GDA: variants seen among roughly 807,000 people sequenced by gnomAD.
GDA encodes the protein guanine deaminase, also known as cytoplasmic PSD-95 interactor.
A neutral mutation model predicts 59.6 loss-of-function variants in GDA; 18 were observed. The ratio of observed to expected loss-of-function variants is 0.30; its 90% confidence interval spans 0.21 to 0.45. The LOEUF is 0.45. GDA is among the 20% of genes least tolerant of loss of function. GDA has a pLI of 1.00. For missense variants in GDA, 427 were observed against 552.3 expected (o/e 0.77, Z 2.27); for synonymous variants, 201 against 201.1 (o/e 1.00, Z 0.00).
At chr9:72,200,773 A>G (rs1833891397) in intron 2 of GDA, among the ~76,000 whole-genome samples, 1 of 152,198 alleles carries the variant, frequency 6.6e-6, no homozygotes, top group Non-Finnish European at 1.5e-5. Flanking sequence ...CCCACATTAT[A>G]GGCCCACTTA....
chr9:72,195,453 T>C (rs369039742), intron 1 of GDA, 47 bp from the exon 2 acceptor site: 15 of 744,626 alleles, frequency 2.0e-5, no homozygotes, highest in Non-Finnish European at 3.1e-5. Context: ...CAAATGACTG[T>C]GACTCACTAA....
intron 2 of GDA, among the ~76,000 whole-genome samples, chr9:72,200,815 TCA>T (rs1280938213): frequency 6.6e-6 from 1 of 152,208 alleles, no homozygotes; most frequent in Admixed American, 6.5e-5. Context: ...TAAAAATTTG[TCA>T]CAGTTCTTTA....
At chr9:72,222,585 A>G (rs1021583540) in intron 6 of GDA, among the ~76,000 whole-genome samples, 1 of 151,950 alleles carries the variant, frequency 6.6e-6, no homozygotes, top group Non-Finnish European at 1.5e-5. Context: ...CCATTTATCA[A>G]TTTTTACTTT....
Position 72,227,975 on chromosome 9 carries a change from A to G in GDA, c.855A>G (p.Ala285=). Reference sequence around the variant, plus strand: ...TGGCACACGGCTGCTACCTCTCTGCAGAAGAACTGAACGTATTCCATGAAC... The same window carrying G: ...TGGCACACGGCTGCTACCTCTCTGCGGAAGAACTGAACGTATTCCATGAAC... ...TVMAHGCYLS[A]EELNVFHERG... is the part of the protein sequence containing the mutation. The change falls in exon 9 of 14, where the codon GCA becomes GCG. Residue 285 remains alanine, a synonymous_variant. Coordinates refer to ENST00000358399, the MANE Select transcript of GDA (RefSeq NM_004293.5). 4 of 1,609,494 alleles carry G rather than the reference A, an allele frequency of 2.5e-6. No homozygotes were observed. Among genetic ancestry groups the G allele is most frequent in the Non-Finnish European group, 3.4e-6 (4 of 1,176,144 alleles).
rs1024861997 is a variant in GDA at position 72,249,413 on chromosome 9, T to C, written c.*1071T>C. On this transcript the variant is annotated 3_prime_UTR_variant, in exon 14 of 14. Transcript: ENST00000358399. ...TATTGTTAAAAATCTTTAAACCCTG[T>C]GTATTGAAAGCACTCTATTTTCTAA... 5 of 943,826 alleles carry C rather than the reference T, an allele frequency of 5.3e-6. No individual in the cohort carries two copies. Among genetic ancestry groups the C allele is most frequent in the Non-Finnish European group, 6.3e-6 (5 of 792,164 alleles). 58.5% of individuals were successfully genotyped at this position (943,826 alleles called of 1,614,324 possible).
At chr9:72,169,922 G>A (rs1481321004) in intron 1 of GDA, among the ~76,000 whole-genome samples, 1 of 152,206 alleles carries the variant, frequency 6.6e-6, no homozygotes, top group African/African-American at 2.4e-5. Flanking sequence ...GAAATTAAAT[G>A]CATCCTTCAG....
At chr9:72,128,984 A>G (rs1825940418) in intron 1 of GDA, among the ~76,000 whole-genome samples, 1 of 145,224 alleles carries the variant, frequency 6.9e-6, no homozygotes, top group Non-Finnish European at 1.5e-5. Context: ...TTTTTTTTTG[A>G]CAGAGTTTCG....
At chr9:72,246,985 A>G (rs1840202860) in intron 12 of GDA, among the ~76,000 whole-genome samples, 1 of 152,176 alleles carries the variant, frequency 6.6e-6, no homozygotes, top group Non-Finnish European at 1.5e-5. Flanking sequence ...GACAGAAACT[A>G]AAAACCATGG....
At chr9:72,115,954 C>CT (rs1223041518) in intron 1 of GDA, among the ~76,000 whole-genome samples, 1 of 152,152 alleles carries the variant, frequency 6.6e-6, no homozygotes, top group Non-Finnish European at 1.5e-5. Context: ...AACTATTGGG[C>CT]TGGGTGTGGT....
intron 1 of GDA, among the ~76,000 whole-genome samples, chr9:72,123,823 GAA>G (rs1825759639): frequency 6.6e-6 from 1 of 152,100 alleles, no homozygotes; most frequent in African/African-American, 2.4e-5. Flanking sequence ...GTGCTGTTGT[GAA>G]ATAGAACTTG....
At chr9:72,226,018 T>TGTGTGC (rs1837538847) in intron 8 of GDA, among the ~76,000 whole-genome samples, 1 of 147,086 alleles carries the variant, frequency 6.8e-6, no homozygotes, top group African/African-American at 2.5e-5. Context: ...TGTGTGTGCG[T>TGTGTGC]GTGTGTGTGT....
downstream of GDA, among the ~76,000 whole-genome samples, chr9:72,253,830 G>A (rs1347589317): frequency 6.6e-6 from 1 of 151,786 alleles, no homozygotes; most frequent in East Asian, 1.9e-4. Flanking sequence ...CTAAATTCAG[G>A]ATTTAAATTA....
intron 1 of GDA, among the ~76,000 whole-genome samples, chr9:72,188,820 C>T (rs1479464434): frequency 6.6e-6 from 1 of 152,180 alleles, no homozygotes; most frequent in Non-Finnish European, 1.5e-5. Flanking sequence ...AGGCAGGAGA[C>T]TCCAACCTAT....
downstream of GDA, among the ~76,000 whole-genome samples, chr9:72,254,263 A>G (rs1343716911): frequency 1.3e-5 from 2 of 152,240 alleles, no homozygotes; most frequent in African/African-American, 4.8e-5. Flanking sequence ...GTAAGACTAC[A>G]TTGCATTTAT....
At position 72,248,573 on chromosome 9, in the gene GDA, G is replaced by C. The variant is rs1840392945; in HGVS notation, c.*231G>C. The C allele has an allele frequency of 7.6e-7, 1 of 1,317,114 alleles. No homozygotes were observed. Among genetic ancestry groups the C allele is most frequent in the Non-Finnish European group, 9.7e-7 (1 of 1,032,880 alleles). 81.6% of individuals were successfully genotyped at this position (1,317,114 alleles called of 1,614,324 possible). A position where few individuals can be genotyped will look rare whatever the true frequency, so the allele number is the denominator to read the frequency against. On this transcript the variant is annotated 3_prime_UTR_variant, in exon 14 of 14. Transcript: ENST00000358399. The stretch of plus-strand genomic sequence containing the variant: ...CATGAAAATATCTCCCTTTGGAGCT[G>C]CTCAGACTTACTTTAAGCTCAAACA...
chr9:72,194,115 T>A (rs1285284273), intron 1 of GDA: 1 of 152,252 alleles, frequency 6.6e-6, no homozygotes, highest in Non-Finnish European at 1.5e-5. Context: ...TCCAGGAGCC[T>A]GCTTGATGTT....
intron 10 of GDA, among the ~76,000 whole-genome samples, chr9:72,238,312 T>A (rs761882697): frequency 7.2e-5 from 11 of 152,224 alleles, no homozygotes; most frequent in Non-Finnish European, 1.3e-4. Flanking sequence ...TCATCCTTGT[T>A]GTAGTTTAAA....
intron 9 of GDA, 39 bp from the exon 10 acceptor site, chr9:72,231,074 CA>C (rs1564148299): frequency 8.6e-7 from 1 of 1,158,468 alleles, no homozygotes; most frequent in Non-Finnish European, 1.3e-6. Flanking sequence ...TTATTGGAAC[CA>C]CATGGATCTC....
Position 72,248,350 on chromosome 9 carries a change from G to C in GDA, c.*8G>C, listed in dbSNP as rs201013125. The stretch of plus-strand genomic sequence containing the variant: ...TTTTCCAGCTCAGTGTAAGACCCTC[G>C]GGCGTCTACAAAGTTCTCCTGGGAT... On this transcript the variant is annotated 3_prime_UTR_variant, in exon 14 of 14. Coordinates refer to ENST00000358399, the MANE Select transcript of GDA (RefSeq NM_004293.5). 8.7e-6 allele frequency: 14 copies of C among 1,613,320 alleles called. No homozygotes were observed. Among genetic ancestry groups the C allele is most frequent in the Non-Finnish European group, 1.1e-5 (13 of 1,179,384 alleles).
Sources: gnomAD v4.1 joint callset for allele counts (sites outside exome capture counted in the v4.1 genomes callset) on GRCh38, gnomAD v4.1.1 for gene constraint, MANE v1.5 for transcripts, NCBI Gene and HGNC (gene_info 2026-07-23, HGNC 2026-07-21) for gene names.